The following IGSF10 variants were observed in gnomAD, a reference collection of about 807,000 sequenced individuals.
IGSF10 encodes immunoglobulin superfamily member 10.
In IGSF10, 126 loss-of-function variants were observed where a neutral mutation model predicts 128.2. The observed-to-expected ratio is 0.98, with a 90% CI of 0.85 to 1.14. IGSF10 has a LOEUF of 1.14. Among genes scored for constraint, IGSF10 ranks in the 50% most tolerant of loss-of-function variants. IGSF10 has a pLI of 0.00. For synonymous variants in IGSF10, 1,185 were observed against 1,146.2 expected (o/e 1.03, Z -0.68); for missense variants, 3,295 against 3,149.8 (o/e 1.05, Z -1.10).
At chr3:151,557,723 G>T in the IGSF10 span, among the ~76,000 whole-genome samples, 1 of 151,690 alleles carries the variant, frequency 6.6e-6, no homozygotes, top group Non-Finnish European at 1.5e-5. Context: ...TCTAATACAA[G>T]AAGAGTGAGT....
the IGSF10 span, among the ~76,000 whole-genome samples, chr3:151,566,843 T>C: frequency 6.6e-6 from 1 of 152,246 alleles, no homozygotes; most frequent in Non-Finnish European, 1.5e-5. Context: ...ATTTCTTAGC[T>C]AACAGAGGTG....
At chr3:151,534,478 A>C in the IGSF10 span, among the ~76,000 whole-genome samples, 1 of 152,248 alleles carries the variant, frequency 6.6e-6, no homozygotes, top group African/African-American at 2.4e-5. Context: ...GCAGCCATAA[A>C]AAATGATGAG....
chr3:151,544,922 TCTAA>T, the IGSF10 span, among the ~76,000 whole-genome samples: 2 of 152,164 alleles, frequency 1.3e-5, no homozygotes, highest in Admixed American at 6.5e-5. Flanking sequence ...ATACTGATTC[TCTAA>T]CTTTCTTAAT....
chr3:151,456,491 C>T (rs1721803471), intron 4 of IGSF10, among the ~76,000 whole-genome samples: 1 of 152,126 alleles, frequency 6.6e-6, no homozygotes, highest in Non-Finnish European at 1.5e-5. Flanking sequence ...TATGCATTTC[C>T]TCATGTTCCC....
At chr3:151,536,991 G>A in the IGSF10 span, among the ~76,000 whole-genome samples, 1 of 152,166 alleles carries the variant, frequency 6.6e-6, no homozygotes, top group Non-Finnish European at 1.5e-5. Context: ...ATAAGAGTGA[G>A]ATCCCCAAAC....
chr3:151,554,421 A>G, the IGSF10 span, among the ~76,000 whole-genome samples: 1 of 151,946 alleles, frequency 6.6e-6, no homozygotes, highest in Non-Finnish European at 1.5e-5. Flanking sequence ...CAACTTCATA[A>G]TAAATAACTA....
chr3:151,468,988 T>A, the IGSF10 span, among the ~76,000 whole-genome samples: 1 of 152,234 alleles, frequency 6.6e-6, no homozygotes, highest in East Asian at 1.9e-4. Flanking sequence ...ACATATGGTG[T>A]TTGGTTTTCT....
chr3:151,609,526 A>C, the IGSF10 span, among the ~76,000 whole-genome samples: 2 of 151,314 alleles, frequency 1.3e-5, no homozygotes, highest in Non-Finnish European at 3.0e-5. Context: ...TTGTTCCACA[A>C]AAAAAAAACA....
downstream of IGSF10, chr3:151,434,866 T>TTTTGC (rs1217391489): frequency 6.6e-6 from 1 of 152,228 alleles, no homozygotes; most frequent in Non-Finnish European, 1.5e-5. Context: ...TTATTAATCA[T>TTTTGC]TTTGCACATG....
chr3:151,450,022 A>C (rs1000371777), intron 5 of IGSF10, among the ~76,000 whole-genome samples: 2 of 152,084 alleles, frequency 1.3e-5, no homozygotes, highest in African/African-American at 4.8e-5. Context: ...TTTAAGGGGG[A>C]GGGAAGAACA....
chr3:151,609,524 C>CAA, the IGSF10 span, among the ~76,000 whole-genome samples: 1 of 141,850 alleles, frequency 7.0e-6, no homozygotes, highest in African/African-American at 2.6e-5. Context: ...AATTGTTCCA[C>CAA]AAAAAAAAAA....
At chr3:151,530,395 C>A in the IGSF10 span, among the ~76,000 whole-genome samples, 1 of 152,040 alleles carries the variant, frequency 6.6e-6, no homozygotes, top group East Asian at 1.9e-4. Flanking sequence ...GAAGAGCAAC[C>A]CCAAGACACA....
chr3:151,443,414 G>C lies in IGSF10; in HGVS notation c.5533C>G (p.Leu1845Val). ...IQVIAAPPVI[L>V]EQRRQVIVGT... Reference sequence around the variant, plus strand: ...ACAATGACTTGCCTCCTTTGCTCTAGAATAACAGGTGGTGCTGCAATGACT... The same window carrying C: ...ACAATGACTTGCCTCCTTTGCTCTACAATAACAGGTGGTGCTGCAATGACT... The change falls in exon 7 of 8, where the codon CTA (leucine) becomes GTA (valine). Residue 1845 changes from leucine (L) to valine (V), a missense_variant. By Grantham distance (32) the Leu-to-Val change is conservative (BLOSUM62 1). Coordinates refer to ENST00000282466, the MANE Select transcript of IGSF10 (RefSeq NM_178822.5). 1 of 1,614,192 alleles carries C rather than the reference G, an allele frequency of 6.2e-7. No individual in the cohort carries two copies.
chr3:151,514,689 A>C, the IGSF10 span, among the ~76,000 whole-genome samples: 2 of 152,156 alleles, frequency 1.3e-5, no homozygotes, highest in Non-Finnish European at 2.9e-5. Context: ...CAACTTACAA[A>C]ATGGGAGAAA....
chr3:151,547,063 G>T, the IGSF10 span, among the ~76,000 whole-genome samples: 74,371 of 151,618 alleles, frequency 0.49, 18,397 homozygotes, highest in South Asian at 0.59. Flanking sequence ...GTGAACCACC[G>T]TGCCCGGCCT....
the IGSF10 span, among the ~76,000 whole-genome samples, chr3:151,575,368 G>A: frequency 3.9e-5 from 6 of 152,146 alleles, no homozygotes; most frequent in South Asian, 6.2e-4. Context: ...ATTGAGCTGC[G>A]GTGGGCTCCA....
chr3:151,438,387 T>C lies in IGSF10; in HGVS notation c.6174A>G (p.Val2058=), dbSNP rs768022610. Residue 2058 remains valine (V), a synonymous_variant, in exon 8 of 8, where the codon GTA becomes GTG. Coordinates refer to ENST00000282466, the MANE Select transcript of IGSF10 (RefSeq NM_178822.5). ...CTGGGGAGCCGGAAGCTTTGCAATC[T>C]ACTTGGAAATCTTTCCCATGGAGCA... The part of the protein sequence containing the change: ...KQVLHGKDFQ[V]DCKASGSPVP... 3 of 1,614,100 alleles carry C rather than the reference T, an allele frequency of 1.9e-6. No individual in the cohort carries two copies. The highest frequency in any genetic ancestry group is 2.5e-6 in the Non-Finnish European group (3 of 1,180,032).
the IGSF10 span, among the ~76,000 whole-genome samples, chr3:151,482,821 A>C: frequency 6.6e-6 from 1 of 152,354 alleles, no homozygotes; most frequent in East Asian, 1.9e-4. Context: ...CATAGATAAG[A>C]GAACCTTCAT....
chr3:151,514,559 A>T, the IGSF10 span, among the ~76,000 whole-genome samples: 3 of 152,218 alleles, frequency 2.0e-5, no homozygotes, highest in Non-Finnish European at 2.9e-5. Flanking sequence ...AGGCATGGGG[A>T]AGAACTTCAT....
Sources: allele counts gnomAD v4.1 joint callset (sites outside exome capture counted in the v4.1 genomes callset), GRCh38; gene constraint gnomAD v4.1.1; transcripts MANE v1.5; gene names NCBI Gene and HGNC (gene_info 2026-07-23, HGNC 2026-07-21).